Variants in KCNMA1 observed in about 807,000 individuals in gnomAD.
The protein encoded by KCNMA1 is potassium calcium-activated channel subfamily M alpha 1, also known as Calcium-activated potassium channel subunit alpha-1.
In KCNMA1, 29 loss-of-function variants were observed where a neutral mutation model predicts 140.0. The observed-to-expected ratio is 0.21, with a 90% CI of 0.15 to 0.28. The LOEUF (loss-of-function observed/expected upper bound fraction) is 0.28. Ranked by LOEUF, KCNMA1 falls within the 10% of genes least tolerant of loss-of-function variation. The pLI, the probability that KCNMA1 is intolerant of heterozygous loss-of-function variation, is 1.00. For missense variants in KCNMA1, 880 were observed against 1,602.2 expected, an observed-to-expected ratio of 0.55 and a Z score of 7.70; for synonymous variants, 612 against 611.9, an observed-to-expected ratio of 1.00 and a Z score of 0.00.
At chr10:76,877,816 T>A (rs1369279635) in exon 30 of KCNMA1, 1 of 1,600,620 alleles carries the variant, frequency 6.2e-7, no homozygotes, top group Non-Finnish European at 8.5e-7. Flanking sequence ...TGGTTAGCCA[T>A]GTGGGTACTC....
At position 77,007,496 on chromosome 10, in the gene KCNMA1, A is replaced by C. The variant is rs542726723; in HGVS notation, c.2092+4471T>G. Reference sequence around the variant, plus strand: ...TTACAGTCCCAAAGTTGAGTAACCAATTAATTATCTAGCAAGCACTTCTCA... The same window carrying C: ...TTACAGTCCCAAAGTTGAGTAACCACTTAATTATCTAGCAAGCACTTCTCA... On this transcript the variant is annotated intron_variant, in intron 18 of 27. Transcript: ENST00000286628. 2.0e-5 allele frequency among the ~76,000 whole-genome samples: 3 copies of C among 152,088 alleles called. No individual in the cohort carries two copies. In the East Asian group the frequency reaches 5.8e-4, roughly 29 times the overall value.
At chr10:77,380,528 G>C (rs2095345694) in intron 2 of KCNMA1, among the ~76,000 whole-genome samples, 2 of 152,030 alleles carry the variant, frequency 1.3e-5, no homozygotes, top group African/African-American at 2.4e-5. Context: ...TTATTTTCTT[G>C]GTCAGCCTTC....
chr10:76,915,913 G>C (rs2052648706), intron 23 of KCNMA1, among the ~76,000 whole-genome samples: 1 of 151,996 alleles, frequency 6.6e-6, no homozygotes, highest in South Asian at 2.1e-4. Context: ...TAGTGATATT[G>C]GCTCAAGTGA....
intron 1 of KCNMA1, among the ~76,000 whole-genome samples, chr10:77,583,239 T>C (rs1208006188): frequency 6.6e-6 from 1 of 152,202 alleles, no homozygotes. Flanking sequence ...TGGTCAGTCT[T>C]ATGCAGGTCT....
intron 1 of KCNMA1, among the ~76,000 whole-genome samples, chr10:77,439,815 G>A (rs1477858248): frequency 1.3e-5 from 2 of 152,156 alleles, no homozygotes; most frequent in Middle Eastern, 3.2e-3. Flanking sequence ...CCCACCTGGG[G>A]CCTCTTCGTA....
chr10:77,008,269 T>A, intron 18 of KCNMA1: 1 of 1,435,070 alleles, frequency 7.0e-7, no homozygotes, highest in Non-Finnish European at 9.4e-7. Context: ...ATCAAAGATA[T>A]GTCAATGATT....
At chr10:77,003,977 C>A (rs568011570) in intron 18 of KCNMA1, among the ~76,000 whole-genome samples, 1 of 152,112 alleles carries the variant, frequency 6.6e-6, no homozygotes, top group African/African-American at 2.4e-5. Flanking sequence ...GTTCTGGCGA[C>A]CATGCATTGT....
rs1374563852 is a variant in KCNMA1 at position 77,248,395 on chromosome 10, G to A, written c.602+2800C>T. Among the ~76,000 whole-genome samples the A allele has an allele frequency of 2.0e-5, 3 of 152,282 alleles. No homozygotes were observed. The South Asian group carries it at 6.2e-4, about 32-fold the overall frequency. ...GGCAGCTCTGGCTAAAATTCACTGA[G>A]ACAAGCCATTTCACGCATGTCTGTT... is the stretch of plus-strand genomic sequence containing the variant. On this transcript the variant is annotated intron_variant, in intron 3 of 27. Coordinates refer to ENST00000286628, the MANE Select transcript of KCNMA1 (RefSeq NM_001161352.2).
intron 20 of KCNMA1, among the ~76,000 whole-genome samples, chr10:76,957,408 A>G (rs1028298604): frequency 6.6e-6 from 1 of 152,202 alleles, no homozygotes; most frequent in Non-Finnish European, 1.5e-5. Flanking sequence ...AAACTGATTG[A>G]GTATGACTGA....
At chr10:77,329,867 TAAC>T (rs2085674540) in intron 2 of KCNMA1, among the ~76,000 whole-genome samples, 2 of 152,138 alleles carry the variant, frequency 1.3e-5, no homozygotes, top group Non-Finnish European at 2.9e-5. Context: ...ATAAAAATGA[TAAC>T]AAAAATAATA....
At chr10:77,570,745 A>AT (rs2070895054) in intron 1 of KCNMA1, among the ~76,000 whole-genome samples, 2 of 148,584 alleles carry the variant, frequency 1.3e-5, no homozygotes. Context: ...AATAATAATA[A>AT]AAAAAAGAAA....
rs1433726224 is a variant in KCNMA1, at chr10:77,311,661, T to C, written c.541-60405A>G. Among the ~76,000 whole-genome samples, 3 of 152,178 alleles carry C rather than the reference T, an allele frequency of 2.0e-5. No individual in the cohort carries two copies. In the East Asian group the frequency reaches 5.8e-4, roughly 29 times the overall value. Reference sequence around the variant, plus strand: ...GCGAGCTGGGCCAGAGATGATCCAATAAAGCTATTTCAGCTCTGATGTCCC... The same window carrying C: ...GCGAGCTGGGCCAGAGATGATCCAACAAAGCTATTTCAGCTCTGATGTCCC... On this transcript the variant is annotated intron_variant, in intron 2 of 27. Coordinates refer to ENST00000286628, the MANE Select transcript of KCNMA1 (RefSeq NM_001161352.2).
intron 4 of KCNMA1, among the ~76,000 whole-genome samples, chr10:77,184,013 A>G (rs951846370): frequency 1.3e-5 from 2 of 151,966 alleles, no homozygotes; most frequent in African/African-American, 4.8e-5. Flanking sequence ...TACTTGTATT[A>G]GACTCATTCA....
intron 1 of KCNMA1, among the ~76,000 whole-genome samples, chr10:77,496,601 A>G (rs2042037842): frequency 9.8e-6 from 1 of 102,384 alleles, no homozygotes; most frequent in Non-Finnish European, 1.7e-5. Flanking sequence ...TGTCTCAAAA[A>G]AAAAAAAAAA....
chr10:77,136,753 A>G (rs2098044572), intron 5 of KCNMA1, among the ~76,000 whole-genome samples: 1 of 152,144 alleles, frequency 6.6e-6, no homozygotes, highest in Non-Finnish European at 1.5e-5. Flanking sequence ...AATATTCTTG[A>G]GTTTTTTAAT....
At chr10:77,443,743 T>C (rs1217398165) in intron 1 of KCNMA1, among the ~76,000 whole-genome samples, 1 of 152,158 alleles carries the variant, frequency 6.6e-6, no homozygotes, top group African/African-American at 2.4e-5. Context: ...GCTTTTCAAA[T>C]GGAACCAAAG....
intron 5 of KCNMA1, 41 bp downstream of exon 5, chr10:77,183,380 C>A: frequency 1.5e-6 from 2 of 1,373,878 alleles, no homozygotes; most frequent in Non-Finnish European, 2.1e-6. Context: ...TCAGCCATGA[C>A]TCAGGAACCA....
chr10:76,987,364 A>C (rs554789032), intron 19 of KCNMA1, among the ~76,000 whole-genome samples: 2 of 152,354 alleles, frequency 1.3e-5, no homozygotes, highest in Non-Finnish European at 2.9e-5. Context: ...CTAGTTAAGA[A>C]GGCTTCACAG....
At chr10:76,920,008 GTGTGTGTGTGTGTATATA>G (rs1384664328) in intron 23 of KCNMA1, among the ~76,000 whole-genome samples, 4 of 58,784 alleles carry the variant, frequency 6.8e-5, no homozygotes, top group African/African-American at 3.7e-4. Context: ...GTGTGTGTGT[GTGTGTGTGTGTGTATATA>G]TATATATATA....
Sources: gnomAD v4.1 joint callset for allele counts (sites outside exome capture counted in the v4.1 genomes callset) on GRCh38, gnomAD v4.1.1 for gene constraint, MANE v1.5 for transcripts, NCBI Gene and HGNC (gene_info 2026-07-23, HGNC 2026-07-21) for gene names.